The following SORBS2 variants were observed in gnomAD, a reference collection of about 807,000 sequenced individuals.
SORBS2 encodes sorbin and SH3 domain containing 2.
In SORBS2, 46 loss-of-function variants were observed where a neutral mutation model predicts 97.7. That is an observed-to-expected ratio of 0.47 (90% CI 0.37 to 0.60). SORBS2 has a LOEUF of 0.60. SORBS2 is among the 20% of genes least tolerant of loss of function. The pLI is 0.00. For missense variants in SORBS2, 1,316 were observed against 1,282.3 expected, an observed-to-expected ratio of 1.03 and a Z score of -0.40; for synonymous variants, 476 against 473.4, an observed-to-expected ratio of 1.01 and a Z score of -0.07.
intron 1 of SORBS2, among the ~76,000 whole-genome samples, chr4:185,827,324 T>C (rs1351916460): frequency 3.4e-3 from 17 of 5,026 alleles, no homozygotes; most frequent in African/African-American, 4.2e-3. Flanking sequence ...ATCATCACCA[T>C]CATCATCATC....
intron 4 of SORBS2, 106 bp downstream of exon 16, chr4:185,635,249 A>G (rs1374635045): frequency 5.0e-6 from 4 of 800,446 alleles, no homozygotes; most frequent in Non-Finnish European, 8.1e-6. Context: ...ATATTTTTTC[A>G]AAAATAGCTT....
At chr4:185,640,148 A>G (rs1295241143) in intron 4 of SORBS2, among the ~76,000 whole-genome samples, 1 of 152,210 alleles carries the variant, frequency 6.6e-6, no homozygotes, top group Non-Finnish European at 1.5e-5. Context: ...AGGCATCGTG[A>G]CAAAATAGTG....
intron 1 of SORBS2, among the ~76,000 whole-genome samples, chr4:185,809,997 A>G (rs1418224577): frequency 6.6e-6 from 1 of 152,188 alleles, no homozygotes; most frequent in Middle Eastern, 3.2e-3. Flanking sequence ...GATTTTCTCT[A>G]CCTTTCATTC....
At chr4:185,891,307 C>T (rs28659960) in intron 1 of SORBS2, among the ~76,000 whole-genome samples, 4,307 of 152,222 alleles carry the variant, frequency 0.028, 161 homozygotes, top group African/African-American at 0.088. Flanking sequence ...TAAACAATCC[C>T]CACTTTGCCT....
intron 1 of SORBS2, among the ~76,000 whole-genome samples, chr4:185,923,035 C>T (rs994525959): frequency 6.6e-6 from 1 of 152,186 alleles, no homozygotes; most frequent in African/African-American, 2.4e-5. Context: ...AGCTTCAGTT[C>T]TCTCCTCTGT....
At chr4:185,643,350 C>T (rs1376927397) in intron 4 of SORBS2, among the ~76,000 whole-genome samples, 2 of 152,088 alleles carry the variant, frequency 1.3e-5, no homozygotes, top group African/African-American at 2.4e-5. Flanking sequence ...TGGAACCTAG[C>T]GAGGCAGGGA....
intron 2 of SORBS2, among the ~76,000 whole-genome samples, chr4:185,746,124 T>A (rs1236284844): frequency 6.6e-6 from 1 of 152,180 alleles, no homozygotes; most frequent in African/African-American, 2.4e-5. Context: ...GACAATGTTT[T>A]CTCTGCGCCT....
intron 1 of SORBS2, among the ~76,000 whole-genome samples, chr4:185,806,436 A>AT (rs35448726): frequency 8.8e-5 from 2 of 22,678 alleles, no homozygotes; most frequent in African/African-American, 2.9e-4. Context: ...CTAGAATCCT[A>AT]TTTTTTTTTT....
chr4:185,730,019 C>T (rs1476137886), intron 2 of SORBS2, among the ~76,000 whole-genome samples: 2 of 151,974 alleles, frequency 1.3e-5, no homozygotes, highest in Non-Finnish European at 2.9e-5. Flanking sequence ...GTAGAGCCAT[C>T]TCGGCTCACT....
chr4:185,786,807 C>A (rs1046833522), intron 1 of SORBS2, among the ~76,000 whole-genome samples: 10 of 152,090 alleles, frequency 6.6e-5, no homozygotes, highest in African/African-American at 2.4e-4. Context: ...ACTAAAAATA[C>A]AAAAACTAGC....
At chr4:185,891,089 GATTCTGCTTATTCTTTGTTTTTTA>G (rs67797689) in intron 1 of SORBS2, among the ~76,000 whole-genome samples, 35,317 of 151,512 alleles carry the variant, frequency 0.23, 4,654 homozygotes, top group East Asian at 0.54. Flanking sequence ...ATGAGTTTCA[GATTCTGCTTATTCTTTGTTTTTTA>G]ATTCTGCTTA....
chr4:185,646,820 T>G (rs1373847041), intron 3 of SORBS2, 38 bp from the exon 13 acceptor site: 1 of 1,199,972 alleles, frequency 8.3e-7, no homozygotes, highest in Admixed American at 1.7e-5. Flanking sequence ...AAAATAATCC[T>G]TTTTGCTTAA....
rs1403099947 is a variant in SORBS2 at position 185,629,798 on chromosome 4, T to A, written c.446+751A>T. Among the ~76,000 whole-genome samples the A allele has an allele frequency of 1.3e-5, 2 of 152,082 alleles. 1 individual carries two copies. The highest frequency in any genetic ancestry group is 3.9e-4 in the East Asian group (2 of 5,172). Reference sequence around the variant, plus strand: ...GGATGGTCTCAATCTCTTGACCTCATGATCTTCCCCCCTCAGCCTCCCAAC... The same window carrying A: ...GGATGGTCTCAATCTCTTGACCTCAAGATCTTCCCCCCTCAGCCTCCCAAC... On this transcript the variant is annotated intron_variant, in intron 5 of 14. Transcript: ENST00000418609.
intron 1 of SORBS2, among the ~76,000 whole-genome samples, chr4:185,899,424 A>G (rs2099246492): frequency 6.6e-6 from 1 of 152,148 alleles, no homozygotes; most frequent in Non-Finnish European, 1.5e-5. Flanking sequence ...TTTGTGAAGT[A>G]GCGAGTTTAT....
chr4:185,790,829 T>C (rs181556716), intron 1 of SORBS2, among the ~76,000 whole-genome samples: 1 of 152,342 alleles, frequency 6.6e-6, no homozygotes, highest in Non-Finnish European at 1.5e-5. Context: ...TTTTCTGAAA[T>C]GATCCAATTT....
At chr4:185,697,506 G>A (rs973494165) in intron 2 of SORBS2, among the ~76,000 whole-genome samples, 3 of 152,098 alleles carry the variant, frequency 2.0e-5, no homozygotes, top group African/African-American at 7.2e-5. Context: ...GAAAACCTAA[G>A]AAAATAGTTG....
chr4:185,701,960 G>A (rs1583047084), intron 2 of SORBS2, among the ~76,000 whole-genome samples: 1 of 152,050 alleles, frequency 6.6e-6, no homozygotes, highest in East Asian at 1.9e-4. Context: ...TAGTAGAGAC[G>A]GGGTTTCACC....
chr4:185,936,797 A>G (rs1252534036), intron 1 of SORBS2, among the ~76,000 whole-genome samples: 1 of 152,188 alleles, frequency 6.6e-6, no homozygotes, highest in Non-Finnish European at 1.5e-5. Context: ...AGACTATGCA[A>G]GAGTCTCCTT....
At chr4:185,933,479 G>A (rs1561314665) in intron 1 of SORBS2, 1 of 152,142 alleles carries the variant, frequency 6.6e-6, no homozygotes, top group Admixed American at 6.6e-5. Context: ...CTGGAAGCCT[G>A]AGATCAAGGT....
Sources: gnomAD v4.1 joint callset for allele counts (sites outside exome capture counted in the v4.1 genomes callset) on GRCh38, gnomAD v4.1.1 for gene constraint, MANE v1.5 for transcripts, NCBI Gene and HGNC (gene_info 2026-07-23, HGNC 2026-07-21) for gene names.